Variants in HTATIP2 observed in about 807,000 individuals in gnomAD.
HTATIP2 encodes protein HTATIP2.
HTATIP2 carries 26 observed loss-of-function variants against 24.7 expected under a neutral mutation model. That is an observed-to-expected ratio of 1.05 (90% confidence interval 0.77 to 1.46). HTATIP2 has a LOEUF of 1.46. Ranked by LOEUF, HTATIP2 falls within the 40% of genes most tolerant of loss-of-function variation. The probability of loss-of-function intolerance (pLI) is 0.00; values close to 1 mark genes in which losing one functional copy is unlikely to be tolerated. For missense variants in HTATIP2, 284 were observed against 289.6 expected (o/e 0.98, Z 0.14); for synonymous variants, 99 against 113.2 (o/e 0.87, Z 0.79).
chr11:20,375,790 G>A (rs1256246213), intron 2 of HTATIP2, among the ~76,000 whole-genome samples: 1 of 152,190 alleles, frequency 6.6e-6, no homozygotes, highest in Non-Finnish European at 1.5e-5. Flanking sequence ...ATGCTTTTCA[G>A]TTAGGCCCTG....
At chr11:20,370,179 C>T (rs1245936566) in intron 2 of HTATIP2, among the ~76,000 whole-genome samples, 1 of 152,188 alleles carries the variant, frequency 6.6e-6, no homozygotes, top group Admixed American at 6.5e-5. Flanking sequence ...TAATTCCCCT[C>T]ACTTGCTGGT....
At chr11:20,373,552 GA>G (rs2064794170) in intron 2 of HTATIP2, among the ~76,000 whole-genome samples, 1 of 152,040 alleles carries the variant, frequency 6.6e-6, no homozygotes, top group Non-Finnish European at 1.5e-5. Flanking sequence ...ACGGATGAAA[GA>G]AAAAGTATTT....
chr11:20,364,471 T>A (rs774156790), intron 1 of HTATIP2, 39 bp downstream of exon 1: 1 of 1,522,538 alleles, frequency 6.6e-7, no homozygotes, highest in Non-Finnish European at 9.0e-7. Flanking sequence ...ACCCCCAGGA[T>A]TCTGCGAGGT....
In HTATIP2 at chr11:20,383,429, T is replaced by C. The variant is rs1178768941; in HGVS notation, c.*224T>C. 7 of 498,596 alleles carry C rather than the reference T, an allele frequency of 1.4e-5. No individual in the cohort carries two copies. The highest frequency in any genetic ancestry group is 2.5e-5 in the Non-Finnish European group (7 of 283,926). 30.9% of individuals were successfully genotyped at this position (498,596 alleles called of 1,614,324 possible). ...GAAAAATAAAGATTTGTCAGCCCTA[T>C]CTCAAACTTGAATCAAAATTTCTGG... On this transcript the variant is annotated 3_prime_UTR_variant, in exon 5 of 5. Transcript: ENST00000451739.
At position 20,376,719 on chromosome 11, in the gene HTATIP2, T is replaced by A. The variant is rs1210220904; in HGVS notation, c.441+2T>A. 6.3e-7 allele frequency: 1 copy of A among 1,598,404 alleles called. No individual in the cohort carries two copies. Among genetic ancestry groups the A allele is most frequent in the Non-Finnish European group, 8.5e-7 (1 of 1,175,192 alleles). ...AATTTTTTATATCTACAAGTTAAGG[T>A]TTGTGCAAGTTTCTGTTTTTCATAC... On this transcript the variant is annotated splice_donor_variant, in intron 3 of 4. Coordinates refer to ENST00000451739, the MANE Select transcript of HTATIP2 (RefSeq NM_001098522.2). LOFTEE classifies it high-confidence loss of function.
chr11:20,381,738 T>C (rs752989771), intron 3 of HTATIP2, among the ~76,000 whole-genome samples: 12 of 152,186 alleles, frequency 7.9e-5, no homozygotes, highest in Non-Finnish European at 1.6e-4. Flanking sequence ...TCTTAAAATT[T>C]TGTGAGGTTT....
At chr11:20,371,292 G>T (rs993513024) in intron 2 of HTATIP2, among the ~76,000 whole-genome samples, 1 of 152,188 alleles carries the variant, frequency 6.6e-6, no homozygotes, top group Admixed American at 6.5e-5. Flanking sequence ...GGCCCTGTTT[G>T]GTTGCCAAGT....
chr11:20,364,365 T>C lies in HTATIP2; in HGVS notation c.128T>C (p.Leu43Pro), dbSNP rs1192754058. Residue 43 changes from leucine to proline, a missense_variant, in exon 1 of 5, where the codon CTG (leucine) becomes CCG (proline). Physicochemically the swap from Leu to Pro is moderately conservative, Grantham distance 98. Transcript: ENST00000451739. ...TTAAAGGAAATCCTGGAGCAGGGCC[T>C]GTTTTCCAAAGTCACGCTCATTGGC... Reference protein sequence around the residue: ...VLLKEILEQGLFSKVTLIGRR... With the variant: ...VLLKEILEQGPFSKVTLIGRR... 1 of 1,613,376 alleles carries C rather than the reference T, an allele frequency of 6.2e-7. No homozygotes were observed. Among genetic ancestry groups the C allele is most frequent in the Non-Finnish European group, 8.5e-7 (1 of 1,179,572 alleles).
intron 3 of HTATIP2, among the ~76,000 whole-genome samples, chr11:20,380,228 G>T (rs949064515): frequency 6.6e-6 from 1 of 152,200 alleles, no homozygotes; most frequent in African/African-American, 2.4e-5. Context: ...TTATCAGATA[G>T]GGAATGGTGG....
Position 20,367,163 on chromosome 11 carries a change from T to G in HTATIP2, c.196-11T>G. On this transcript the variant is annotated splice_polypyrimidine_tract_variant and intron_variant, in intron 1 of 4. Transcript: ENST00000451739. ...TAACATGAAACTACATACAACTGTG[T>G]CCTTGCCTAGAATCAAGAAGTGGTG... 1 of 1,613,854 alleles carries G rather than the reference T, an allele frequency of 6.2e-7. No homozygotes were observed. Among genetic ancestry groups the G allele is most frequent in the Non-Finnish European group, 8.5e-7 (1 of 1,179,986 alleles).
intron 2 of HTATIP2, 66 bp from the exon 3 acceptor site, chr11:20,376,514 C>T: frequency 1.3e-6 from 2 of 1,577,546 alleles, no homozygotes; most frequent in Non-Finnish European, 1.7e-6. Context: ...CTACCCAAGC[C>T]AAGTAGTAAT....
At chr11:20,370,769 C>A (rs2064764643) in intron 2 of HTATIP2, among the ~76,000 whole-genome samples, 1 of 152,204 alleles carries the variant, frequency 6.6e-6, no homozygotes, top group South Asian at 2.1e-4. Context: ...CCTGCCTCAG[C>A]CTCCCAAGTA....
At chr11:20,364,473 C>A in intron 1 of HTATIP2, 41 bp downstream of exon 1, 1 of 1,516,730 alleles carries the variant, frequency 6.6e-7, no homozygotes, top group Non-Finnish European at 9.0e-7. Context: ...CCCCAGGATT[C>A]TGCGAGGTGA....
chr11:20,363,836 G>A lies in HTATIP2; in HGVS notation c.-402G>A. 1.6e-5 allele frequency: 20 copies of A among 1,233,612 alleles called. No individual in the cohort carries two copies. Among genetic ancestry groups the A allele is most frequent in the Non-Finnish European group, 2.0e-5 (20 of 985,550 alleles). The allele number at this position is 1,233,612 out of a possible 1,614,324, so 76.4% of individuals were successfully genotyped here. ...GATGGCCGGGCCTGCGGCGCTGAGC[G>A]CGGCGGCGGCGGCTGCTCTGGCGGC... On this transcript the variant is annotated 5_prime_UTR_variant, in exon 1 of 5. Coordinates refer to ENST00000451739, the MANE Select transcript of HTATIP2 (RefSeq NM_001098522.2).
chr11:20,371,752 T>A (rs543345265), intron 2 of HTATIP2, among the ~76,000 whole-genome samples: 1 of 152,126 alleles, frequency 6.6e-6, no homozygotes, highest in Admixed American at 6.5e-5. Context: ...ATTCTTTGAC[T>A]CTATGAAACA....
rs1489872038 is a variant in HTATIP2 at position 20,363,844 on chromosome 11, G to GGCGGCTGCTCTGGCC, written c.-380_-379insCGCGGCTGCTCTGGC. The GGCGGCTGCTCTGGCC allele has an allele frequency of 1.1e-5, 14 of 1,244,974 alleles. No individual in the cohort carries two copies. In the African/African-American group the frequency reaches 2.2e-4, roughly 19 times the overall value. The allele number at this position is 1,244,974 out of a possible 1,614,324, so 77.1% of individuals were successfully genotyped here. ...GGCCTGCGGCGCTGAGCGCGGCGGC[G>GGCGGCTGCTCTGGCC]GCGGCTGCTCTGGCGGCCGCCCTGC... On this transcript the variant is annotated 5_prime_UTR_variant, in exon 1 of 5. Transcript: ENST00000451739.
chr11:20,382,947 CT>C (rs1327328579), intron 4 of HTATIP2, 32 bp from the exon 5 acceptor site: 2 of 1,519,002 alleles, frequency 1.3e-6, no homozygotes, highest in African/African-American at 2.9e-5. Flanking sequence ...TCTTCCTCTG[CT>C]TTTCTTTCTT....
intron 1 of HTATIP2, among the ~76,000 whole-genome samples, chr11:20,365,258 C>T (rs1018314276): frequency 1.3e-5 from 2 of 152,058 alleles, no homozygotes; most frequent in South Asian, 2.1e-4. Context: ...CAAAGTGCTG[C>T]GATTACAGGC....
intron 2 of HTATIP2, among the ~76,000 whole-genome samples, chr11:20,373,628 A>G (rs1054586614): frequency 1.3e-5 from 2 of 152,220 alleles, no homozygotes; most frequent in Non-Finnish European, 2.9e-5. Context: ...AAAAAACTGA[A>G]TTTATTTCAC....
Sources: gnomAD v4.1 joint callset for allele counts (sites outside exome capture counted in the v4.1 genomes callset) on GRCh38, gnomAD v4.1.1 for gene constraint, MANE v1.5 for transcripts, NCBI Gene and HGNC (gene_info 2026-07-23, HGNC 2026-07-21) for gene names.